Variants in SDSL observed in about 807,000 individuals in gnomAD.
SDSL encodes serine dehydratase like.
SDSL carries 26 observed loss-of-function variants against 27.6 expected under a neutral mutation model. The observed-to-expected ratio is 0.94, with a 90% confidence interval of 0.69 to 1.31. The LOEUF (loss-of-function observed/expected upper bound fraction) is 1.31. Among genes scored for constraint, SDSL ranks in the 50% most tolerant of loss-of-function variants. The pLI, the probability that SDSL is intolerant of heterozygous loss-of-function variation, is 0.00. For synonymous variants in SDSL, 196 were observed against 180.6 expected (o/e 1.09, Z -0.69); for missense variants, 431 against 423.5 (o/e 1.02, Z -0.16).
intron 5 of SDSL, among the ~76,000 whole-genome samples, chr12:113,435,030 G>A (rs919772910): frequency 4.6e-5 from 7 of 152,188 alleles, no homozygotes; most frequent in Admixed American, 1.3e-4. Flanking sequence ...CAGGAGAATC[G>A]CTTGAATCCA....
chr12:113,432,229 T>C (rs1035319779), intron 4 of SDSL, among the ~76,000 whole-genome samples: 4 of 59,582 alleles, frequency 6.7e-5, no homozygotes, highest in African/African-American at 2.4e-4. Flanking sequence ...TCTTTCTTTC[T>C]TTCTTTCTTT....
chr12:113,426,037 C>T, intron 1 of SDSL: 1 of 399,136 alleles, frequency 2.5e-6, no homozygotes, highest in Admixed American at 2.7e-5. Context: ...CACCACCTCC[C>T]AATGGCTTTC....
intron 6 of SDSL, among the ~76,000 whole-genome samples, chr12:113,435,774 T>C (rs1957983932): frequency 6.6e-6 from 1 of 152,256 alleles, no homozygotes; most frequent in Admixed American, 6.5e-5. Context: ...TAAAACAAGC[T>C]TTCATTGACT....
intron 4 of SDSL, among the ~76,000 whole-genome samples, chr12:113,432,571 A>C (rs1454338459): frequency 6.6e-6 from 1 of 151,822 alleles, no homozygotes; most frequent in East Asian, 1.9e-4. Context: ...GGATCTCCTG[A>C]CCTCAGGATC....
chr12:113,437,358 G>A (rs1161730058), intron 7 of SDSL, among the ~76,000 whole-genome samples: 3 of 152,210 alleles, frequency 2.0e-5, no homozygotes, highest in Non-Finnish European at 4.4e-5. Flanking sequence ...CAGGTAGTAG[G>A]CACTCAATAG....
chr12:113,435,964 T>A (rs911509362), intron 6 of SDSL, among the ~76,000 whole-genome samples: 1 of 152,002 alleles, frequency 6.6e-6, no homozygotes, highest in Non-Finnish European at 1.5e-5. Flanking sequence ...ACTAAAAAAA[T>A]ACAAAAATTA....
rs527736912 is a variant in SDSL, at chr12:113,429,441, G to C, written c.354+142G>C. 3.1e-5 allele frequency: 30 copies of C among 952,556 alleles called. No homozygotes were observed. The South Asian group carries it at 4.7e-4, about 15-fold the overall frequency. 59.0% of individuals were successfully genotyped at this position (952,556 alleles called of 1,614,324 possible). ...CTCTCTCAGGATAGCTGAGCTGAGG[G>C]GGGAATGAGGTGGGATGGGTGTTGA... is the stretch of plus-strand genomic sequence containing the variant. On this transcript the variant is annotated intron_variant, in intron 4 of 7. Coordinates refer to ENST00000403593, the MANE Select transcript of SDSL (RefSeq NM_001304993.2).
At chr12:113,437,789 A>G in intron 7 of SDSL, 97 bp from the exon 8 acceptor site, 12 of 1,093,358 alleles carry the variant, frequency 1.1e-5, no homozygotes, top group Non-Finnish European at 1.3e-6. Context: ...GACTGGCTGG[A>G]GAGATGGCTG....
In SDSL at chr12:113,438,027, ACAT is replaced by A; in HGVS notation, c.941_943del (p.Ile314del). The A allele has an allele frequency of 1.2e-6, 2 of 1,614,128 alleles. No homozygotes were observed. Among genetic ancestry groups the A allele is most frequent in the Non-Finnish European group, 1.7e-6 (2 of 1,179,984 alleles). On this transcript the variant is annotated inframe_deletion, in exon 8 of 8. Coordinates refer to ENST00000403593, the MANE Select transcript of SDSL (RefSeq NM_001304993.2). ...GTGGTAATCGTGTGTGGAGGCAACA[ACAT>A]CAACAGCCGAGAGCTGCAGGCTTTG...
At chr12:113,432,232 CT>C (rs1957932960) in intron 4 of SDSL, among the ~76,000 whole-genome samples, 3 of 96,732 alleles carry the variant, frequency 3.1e-5, no homozygotes, top group South Asian at 8.1e-4. Flanking sequence ...TTCTTTCTTT[CT>C]TTCTTTCTTT....
intron 4 of SDSL, among the ~76,000 whole-genome samples, chr12:113,431,807 C>T (rs929244606): frequency 7.3e-5 from 11 of 150,434 alleles, no homozygotes; most frequent in Non-Finnish European, 1.3e-4. Context: ...GGTACAATCT[C>T]GGCTCACTGC....
At chr12:113,424,952 T>G (rs867304359) in intron 1 of SDSL, among the ~76,000 whole-genome samples, 3 of 152,140 alleles carry the variant, frequency 2.0e-5, no homozygotes, top group Non-Finnish European at 4.4e-5. Flanking sequence ...GCCACGCTGG[T>G]CTTGAACTCC....
intron 1 of SDSL, among the ~76,000 whole-genome samples, chr12:113,426,536 A>G (rs1315439194): frequency 6.6e-6 from 1 of 152,248 alleles, no homozygotes; most frequent in Non-Finnish European, 1.5e-5. Flanking sequence ...AATTAGCCTC[A>G]GTGAGGTATA....
chr12:113,437,799 G>A, intron 7 of SDSL, 87 bp from the exon 8 acceptor site: 3 of 1,204,242 alleles, frequency 2.5e-6, no homozygotes, highest in East Asian at 2.5e-5. Flanking sequence ...AGAGATGGCT[G>A]CAAGGATCTG....
At chr12:113,436,455 A>C (rs918866872) in intron 6 of SDSL, among the ~76,000 whole-genome samples, 1 of 151,978 alleles carries the variant, frequency 6.6e-6, no homozygotes, top group Non-Finnish European at 1.5e-5. Context: ...CACCCGGATA[A>C]TTTTGTATTT....
At chr12:113,432,542 A>G (rs966178836) in intron 4 of SDSL, among the ~76,000 whole-genome samples, 1 of 151,946 alleles carries the variant, frequency 6.6e-6, no homozygotes, top group Non-Finnish European at 1.5e-5. Flanking sequence ...GGGTTTCACC[A>G]TGTTGGCCAG....
intron 4 of SDSL, among the ~76,000 whole-genome samples, chr12:113,432,277 T>TTTTTTTC (rs1957941154): frequency 5.8e-5 from 8 of 138,818 alleles, no homozygotes; most frequent in African/African-American, 2.3e-4. Context: ...TCTTTCTTTC[T>TTTTTTTC]TTCTTTCTTT....
intron 5 of SDSL, among the ~76,000 whole-genome samples, chr12:113,434,795 G>A (rs1193959106): frequency 1.3e-5 from 2 of 152,150 alleles, no homozygotes; most frequent in Non-Finnish European, 2.9e-5. Flanking sequence ...AGATGGGAAG[G>A]GATGAGCAAA....
chr12:113,434,923 T>C lies in SDSL; in HGVS notation c.444-406T>C, dbSNP rs189562560. Among the ~76,000 whole-genome samples, 169 of 152,352 alleles carry C rather than the reference T, an allele frequency of 1.1e-3. 2 individuals are homozygous for C. The highest frequency in any genetic ancestry group is 7.1e-3 in the Admixed American group (108 of 15,308). Reference sequence around the variant, plus strand: ...TGAGGTCAGGAGTTCGAGGCCAACCTGGCCAACATGGCAAAACCCTATCTC... The same window carrying C: ...TGAGGTCAGGAGTTCGAGGCCAACCCGGCCAACATGGCAAAACCCTATCTC... On this transcript the variant is annotated intron_variant, in intron 5 of 7. Transcript: ENST00000403593.
Sources: allele counts gnomAD v4.1 joint callset (sites outside exome capture counted in the v4.1 genomes callset), GRCh38; gene constraint gnomAD v4.1.1; transcripts MANE v1.5; gene names NCBI Gene and HGNC (gene_info 2026-07-23, HGNC 2026-07-21).